The following GAREM1 variants were observed in gnomAD, a reference collection of about 807,000 sequenced individuals.
The protein encoded by GAREM1 is GRB2-associated and regulator of MAPK protein 1.
In GAREM1, 26 loss-of-function variants were observed where a neutral mutation model predicts 71.3. The observed-to-expected ratio is 0.36, with a 90% confidence interval of 0.27 to 0.51. The LOEUF (loss-of-function observed/expected upper bound fraction) is 0.51, where lower values mean the gene tolerates loss of function less well. Ranked by LOEUF, GAREM1 falls within the 20% of genes least tolerant of loss-of-function variation. The pLI is 0.95. For synonymous variants in GAREM1, 440 were observed against 433.2 expected (o/e 1.02, Z -0.20); for missense variants, 1,026 against 1,103.1 (o/e 0.93, Z 0.99).
At chr18:32,401,358 T>C (rs948679617) in intron 1 of GAREM1, among the ~76,000 whole-genome samples, 33 of 150,054 alleles carry the variant, frequency 2.2e-4, no homozygotes, top group African/African-American at 7.2e-4. Flanking sequence ...TAATTGAATA[T>C]AAAAAAGAAA....
intron 1 of GAREM1, among the ~76,000 whole-genome samples, chr18:32,411,928 A>G (rs192546377): frequency 3.6e-4 from 55 of 152,188 alleles, no homozygotes; most frequent in African/African-American, 1.3e-3. Context: ...ACATTTAGCA[A>G]TCAACAGCAT....
Position 32,263,877 on chromosome 18 carries a change from C to T in GAREM1, c.*3994G>A, listed in dbSNP as rs189130584. 6.6e-6 allele frequency: 1 copy of T among 152,328 alleles called. No individual in the cohort carries two copies. Among genetic ancestry groups the T allele is most frequent in the African/African-American group, 2.4e-5 (1 of 41,572 alleles). The allele number at this position is 152,328 out of a possible 1,614,324, so 9.4% of individuals were successfully genotyped here. On this transcript the variant is annotated 3_prime_UTR_variant, in exon 6 of 6. Transcript: ENST00000269209. ...CTAAGAAATTATCTGAGCCCTACTA[C>T]ATGAGATTGTAAACAAAGGAAATTT...
intron 2 of GAREM1, among the ~76,000 whole-genome samples, chr18:32,358,031 C>T (rs1238434335): frequency 6.6e-6 from 1 of 152,008 alleles, no homozygotes; most frequent in Non-Finnish European, 1.5e-5. Context: ...AACAAGAAAA[C>T]CTGCCTCCTC....
chr18:32,318,635 A>G (rs59452754), intron 2 of GAREM1, among the ~76,000 whole-genome samples: 9,609 of 152,210 alleles, frequency 0.063, 332 homozygotes, highest in African/African-American at 0.083. Flanking sequence ...TGTGTGCCTC[A>G]CTGTTCGCCA....
In GAREM1 at chr18:32,391,313, G is replaced by A. The variant is rs549689970; in HGVS notation, c.262+1582C>T. 2.6e-5 allele frequency among the ~76,000 whole-genome samples: 4 copies of A among 152,264 alleles called. No individual in the cohort carries two copies. The South Asian group carries it at 8.3e-4, about 32-fold the overall frequency. ...GAATAGAAAAGATCAGTTTGGAGAAGTAGACCAGAACCAGCCTCTGGAAAG... is the reference window on the plus strand; with the variant it reads ...GAATAGAAAAGATCAGTTTGGAGAAATAGACCAGAACCAGCCTCTGGAAAG... On this transcript the variant is annotated intron_variant, in intron 2 of 5. Transcript: ENST00000269209.
rs144001516 is a variant in GAREM1, at chr18:32,339,168, C to T, written c.263-28845G>A. On this transcript the variant is annotated intron_variant, in intron 2 of 5. Transcript: ENST00000269209. ...TCTGCTGCCAACTGGTTCTGTTTCTCTGGAGAAGTATGACTGATATACTGG... is the reference window on the plus strand; with the variant it reads ...TCTGCTGCCAACTGGTTCTGTTTCTTTGGAGAAGTATGACTGATATACTGG... Among the ~76,000 whole-genome samples, 482 of 152,302 alleles carry T rather than the reference C, an allele frequency of 3.2e-3. 9 individuals are homozygous for T. The highest frequency in any genetic ancestry group is 0.028 in the Admixed American group (425 of 15,294).
chr18:32,277,370 TA>T (rs1439473022), intron 4 of GAREM1, among the ~76,000 whole-genome samples: 2 of 152,198 alleles, frequency 1.3e-5, no homozygotes, highest in African/African-American at 4.8e-5. Context: ...TGCTCACCTT[TA>T]ATTTAAGAAG....
At chr18:32,362,021 C>T (rs1476054423) in intron 2 of GAREM1, among the ~76,000 whole-genome samples, 1 of 152,120 alleles carries the variant, frequency 6.6e-6, no homozygotes, top group East Asian at 1.9e-4. Context: ...TTTCTGCCAC[C>T]TCCAATAGCA....
intron 2 of GAREM1, among the ~76,000 whole-genome samples, chr18:32,333,920 G>A (rs2047563198): frequency 6.6e-6 from 1 of 152,178 alleles, no homozygotes; most frequent in Admixed American, 6.5e-5. Flanking sequence ...TCCGCAGAGT[G>A]AAGAGAGAAG....
intron 1 of GAREM1, among the ~76,000 whole-genome samples, chr18:32,444,525 C>G (rs181008393): frequency 6.6e-6 from 1 of 152,262 alleles, no homozygotes; most frequent in East Asian, 1.9e-4. Context: ...AGCAGCAATT[C>G]CACTGCATAT....
At chr18:32,435,927 T>C (rs543446349) in intron 1 of GAREM1, among the ~76,000 whole-genome samples, 26 of 152,222 alleles carry the variant, frequency 1.7e-4, no homozygotes, top group African/African-American at 5.5e-4. Flanking sequence ...AGTAAAAAAA[T>C]TGCACCCAAG....
intron 1 of GAREM1, among the ~76,000 whole-genome samples, chr18:32,433,311 A>C (rs1220047839): frequency 1.3e-5 from 2 of 151,788 alleles, no homozygotes; most frequent in East Asian, 1.9e-4. Context: ...TCTACAAAAA[A>C]CCCCACAATT....
intron 1 of GAREM1, among the ~76,000 whole-genome samples, chr18:32,393,903 T>C (rs976267572): frequency 6.6e-6 from 1 of 152,206 alleles, no homozygotes; most frequent in Non-Finnish European, 1.5e-5. Context: ...AAGGCTAACT[T>C]TTTATACAGA....
intron 2 of GAREM1, among the ~76,000 whole-genome samples, chr18:32,316,605 C>A (rs2047379989): frequency 6.6e-6 from 1 of 152,042 alleles, no homozygotes; most frequent in African/African-American, 2.4e-5. Context: ...CCACCACACC[C>A]AGCTAATTGT....
At chr18:32,282,466 C>T (rs929801213) in intron 4 of GAREM1, among the ~76,000 whole-genome samples, 1 of 152,156 alleles carries the variant, frequency 6.6e-6, no homozygotes, top group Non-Finnish European at 1.5e-5. Flanking sequence ...TCACTGGGTG[C>T]TGGGGTCCCC....
chr18:32,345,341 TCATTTTTGAAATATAATTA>T (rs536722083), intron 2 of GAREM1, among the ~76,000 whole-genome samples: 21 of 152,320 alleles, frequency 1.4e-4, no homozygotes, highest in African/African-American at 5.1e-4. Flanking sequence ...CAATCATATT[TCATTTTTGAAATATAATTA>T]CATTTTTGAA....
chr18:32,322,992 A>G (rs1264987298), intron 2 of GAREM1, among the ~76,000 whole-genome samples: 2 of 152,226 alleles, frequency 1.3e-5, no homozygotes, highest in Admixed American at 6.5e-5. Context: ...GGAGAAATAT[A>G]TATTTTTGGG....
intron 3 of GAREM1, among the ~76,000 whole-genome samples, chr18:32,307,403 T>G (rs1468009769): frequency 6.6e-6 from 1 of 152,234 alleles, no homozygotes; most frequent in Non-Finnish European, 1.5e-5. Context: ...TAGCTACATT[T>G]ATGAGTAAAG....
intron 2 of GAREM1, among the ~76,000 whole-genome samples, chr18:32,391,479 G>A (rs1291308555): frequency 2.0e-5 from 3 of 152,160 alleles, no homozygotes; most frequent in African/African-American, 7.2e-5. Context: ...AGACTAAAAC[G>A]TAATTTCCTC....
Sources: gnomAD v4.1 joint callset for allele counts (sites outside exome capture counted in the v4.1 genomes callset) on GRCh38, gnomAD v4.1.1 for gene constraint, MANE v1.5 for transcripts, NCBI Gene and HGNC (gene_info 2026-07-23, HGNC 2026-07-21) for gene names.